PDIA5: variants seen among roughly 807,000 people sequenced by gnomAD.
PDIA5 encodes protein disulfide-isomerase A5.
In PDIA5, 58 loss-of-function variants were observed where a neutral mutation model predicts 77.6. That is an observed-to-expected ratio of 0.75 (90% CI 0.61 to 0.93). PDIA5 has a LOEUF of 0.93. Among genes scored for constraint, PDIA5 ranks in the 40% least tolerant of loss-of-function variants. The pLI is 0.00. For synonymous variants in PDIA5, 250 were observed against 252.1 expected (o/e 0.99, Z 0.08); for missense variants, 630 against 647.7 (o/e 0.97, Z 0.30).
Position 123,146,245 on chromosome 3 carries a change from C to A in PDIA5, c.1128C>A (p.Leu376=). 6.2e-7 allele frequency: 1 copy of A among 1,613,848 alleles called. No homozygotes were observed. The highest frequency in any genetic ancestry group is 1.1e-5 in the South Asian group (1 of 91,016). The change falls in exon 13 of 17, where the codon CTC becomes CTA. Residue 376 remains leucine, a synonymous_variant. Coordinates refer to ENST00000316218, the MANE Select transcript of PDIA5 (RefSeq NM_006810.4). ...TGCTCAGGACAAAGAAGAAGTTTCTCGAGTGGATGCAAAAGTAAGTGTTAC... is the reference window on the plus strand; with the variant it reads ...TGCTCAGGACAAAGAAGAAGTTTCTAGAGTGGATGCAAAAGTAAGTGTTAC... ...VPVLRTKKKF[L]EWMQNPEAPP...
Position 123,069,533 on chromosome 3 carries a change from G to C in PDIA5, c.42+2327G>C, listed in dbSNP as rs146210672. On this transcript the variant is annotated intron_variant, in intron 1 of 16. Coordinates refer to ENST00000316218, the MANE Select transcript of PDIA5 (RefSeq NM_006810.4). ...GAAATGTATTTTTCACAGTTCTGCA[G>C]ACCAAAAGTCCGAAATCAGGGTGCC... 5.0e-3 allele frequency among the ~76,000 whole-genome samples: 768 copies of C among 152,234 alleles called. 6 individuals carry two copies. The highest frequency in any genetic ancestry group is 0.018 in the African/African-American group (734 of 41,530).
intron 7 of PDIA5, among the ~76,000 whole-genome samples, chr3:123,115,450 G>A (rs1304342859): frequency 6.6e-6 from 1 of 152,176 alleles, no homozygotes; most frequent in African/African-American, 2.4e-5. Flanking sequence ...GTGTGACCAT[G>A]GTAGACCACA....
chr3:123,127,771 C>T lies in PDIA5; in HGVS notation c.774-2709C>T, dbSNP rs1935276891. The stretch of plus-strand genomic sequence containing the variant: ...AATATTTGATGATAGCCACTGTGCT[C>T]TCTTATGTCCTTTCTCCGAATTAAA... On this transcript the variant is annotated intron_variant, in intron 10 of 16. Coordinates refer to ENST00000316218, the MANE Select transcript of PDIA5 (RefSeq NM_006810.4). Among the ~76,000 whole-genome samples the T allele has an allele frequency of 3.3e-5, 5 of 152,342 alleles. No individual in the cohort carries two copies. In the South Asian group the frequency reaches 8.3e-4, roughly 25 times the overall value.
intron 1 of PDIA5, among the ~76,000 whole-genome samples, chr3:123,070,849 G>T (rs1342849036): frequency 1.3e-5 from 2 of 152,130 alleles, no homozygotes; most frequent in Admixed American, 1.3e-4. Context: ...TAGCTCAGTG[G>T]TTCTCAAGCA....
At chr3:123,114,726 C>T (rs1382766323) in intron 7 of PDIA5, among the ~76,000 whole-genome samples, 1 of 152,234 alleles carries the variant, frequency 6.6e-6, no homozygotes, top group Non-Finnish European at 1.5e-5. Flanking sequence ...CTTCATGCCA[C>T]TGATGGTGTT....
At chr3:123,085,117 G>A (rs1206555930) in intron 1 of PDIA5, among the ~76,000 whole-genome samples, 1 of 152,170 alleles carries the variant, frequency 6.6e-6, no homozygotes, top group Non-Finnish European at 1.5e-5. Context: ...GGGCTGCTGT[G>A]GACTCACCCC....
intron 14 of PDIA5, among the ~76,000 whole-genome samples, chr3:123,154,610 C>T (rs1181971837): frequency 6.6e-6 from 1 of 152,118 alleles, no homozygotes; most frequent in Non-Finnish European, 1.5e-5. Context: ...AAGATTGTAG[C>T]GGCTCTGAGA....
At chr3:123,069,562 A>C (rs1430959174) in intron 1 of PDIA5, among the ~76,000 whole-genome samples, 2 of 152,164 alleles carry the variant, frequency 1.3e-5, no homozygotes, top group Non-Finnish European at 2.9e-5. Flanking sequence ...GGGTGCCAGC[A>C]TGGTTGAATT....
At position 123,133,628 on chromosome 3, in the gene PDIA5, G is replaced by T. The variant is rs148557420; in HGVS notation, c.910+3012G>T. ...TGGATACATTGTGACTGTGAATCTG[G>T]CCTGAGTCTGTCTAGAGGGTATGTA... On this transcript the variant is annotated intron_variant, in intron 11 of 16. Transcript: ENST00000316218. Among the ~76,000 whole-genome samples, 523 of 152,296 alleles carry T rather than the reference G, an allele frequency of 3.4e-3. 2 individuals carry two copies. The highest frequency in any genetic ancestry group is 0.012 in the African/African-American group (489 of 41,556).
chr3:123,116,094 G>A lies in PDIA5; in HGVS notation c.542-137G>A, dbSNP rs190560327. ...CCTCCTGTTCCTTTTGTGTCCCCAG[G>A]GTCTGGAATAGTCCTGAGCTTCTCA... is the stretch of plus-strand genomic sequence containing the variant. On this transcript the variant is annotated intron_variant, in intron 7 of 16. Transcript: ENST00000316218. 3.1e-4 allele frequency: 227 copies of A among 724,222 alleles called. No individual in the cohort carries two copies. The African/African-American group carries it at 3.7e-3, about 12-fold the overall frequency. The allele number at this position is 724,222 out of a possible 1,614,324, so 44.9% of individuals were successfully genotyped here.
intron 6 of PDIA5, among the ~76,000 whole-genome samples, chr3:123,107,761 T>A (rs2107938554): frequency 6.6e-6 from 1 of 152,280 alleles, no homozygotes; most frequent in East Asian, 1.9e-4. Context: ...ATAGCTTTCA[T>A]CTTTCTCTTC....
chr3:123,106,637 G>T, intron 5 of PDIA5, 112 bp from the exon 6 acceptor site: 1 of 736,206 alleles, frequency 1.4e-6, no homozygotes. Flanking sequence ...CCTGAGCTCA[G>T]CAGCTGGTGT....
Position 123,161,729 on chromosome 3 carries a change from C to T in PDIA5, c.1480-151C>T, listed in dbSNP as rs1366648246. On this transcript the variant is annotated intron_variant, in intron 16 of 16. Coordinates refer to ENST00000316218, the MANE Select transcript of PDIA5 (RefSeq NM_006810.4). ...TGCTGGTCGGGGCTGGTGCAAGCCA[C>T]GCAGACCCTCTCCACCTTGCAGAAG... 16 of 692,208 alleles carry T rather than the reference C, an allele frequency of 2.3e-5. 1 individual carries two copies. Among genetic ancestry groups the T allele is most frequent in the East Asian group, 5.4e-5 (2 of 37,016 alleles). 42.9% of individuals were successfully genotyped at this position (692,208 alleles called of 1,614,324 possible).
At position 123,123,998 on chromosome 3, in the gene PDIA5, A is replaced by G; in HGVS notation, c.610-68A>G. The G allele has an allele frequency of 4.2e-6, 4 of 947,540 alleles. No individual in the cohort carries two copies. The Admixed American group carries it at 6.8e-5, about 16-fold the overall frequency. 58.7% of individuals were successfully genotyped at this position (947,540 alleles called of 1,614,324 possible). A position where few individuals can be genotyped will look rare whatever the true frequency, so the allele number is the denominator to read the frequency against. ...TTCTGGTGGGACAGCAGCTGGACAG[A>G]TGGCGTGTGGACTAGAGGGTGTCTG... On this transcript the variant is annotated intron_variant, in intron 8 of 16. Transcript: ENST00000316218.
At chr3:123,085,629 C>T (rs755200254) in intron 1 of PDIA5, among the ~76,000 whole-genome samples, 8 of 152,292 alleles carry the variant, frequency 5.3e-5, no homozygotes, top group East Asian at 1.9e-4. Context: ...GTTGTCGCTG[C>T]GGCTCAGCTG....
At chr3:123,109,512 G>C (rs1025173685) in intron 6 of PDIA5, among the ~76,000 whole-genome samples, 3 of 152,036 alleles carry the variant, frequency 2.0e-5, no homozygotes, top group Non-Finnish European at 4.4e-5. Context: ...AACAAAATTT[G>C]TTTGAAAATT....
intron 1 of PDIA5, among the ~76,000 whole-genome samples, chr3:123,080,502 C>T (rs1333560271): frequency 6.6e-6 from 1 of 152,202 alleles, no homozygotes; most frequent in East Asian, 1.9e-4. Context: ...GCTAATTCTT[C>T]TTTCATTTGT....
At chr3:123,142,393 C>A (rs562391345) in intron 11 of PDIA5, among the ~76,000 whole-genome samples, 37 of 152,340 alleles carry the variant, frequency 2.4e-4, no homozygotes, top group African/African-American at 8.7e-4. Flanking sequence ...CAAAACAACC[C>A]TTTTGTGACT....
intron 1 of PDIA5, among the ~76,000 whole-genome samples, chr3:123,087,639 C>T (rs898477523): frequency 1.1e-4 from 16 of 152,074 alleles, no homozygotes; most frequent in African/African-American, 3.9e-4. Flanking sequence ...TTGTTTTCTT[C>T]TGTTCTTTTA....
Sources: allele counts gnomAD v4.1 joint callset (sites outside exome capture counted in the v4.1 genomes callset), GRCh38; gene constraint gnomAD v4.1.1; transcripts MANE v1.5; gene names NCBI Gene and HGNC (gene_info 2026-07-23, HGNC 2026-07-21).